The following PACRG variants were observed in gnomAD, a reference collection of about 807,000 sequenced individuals.
The protein encoded by PACRG is parkin coregulated, also known as parkin coregulated gene protein.
In PACRG, 29 loss-of-function variants were observed where a neutral mutation model predicts 29.7. That is an observed-to-expected ratio of 0.98 (90% CI 0.73 to 1.33). The LOEUF is 1.33. Among genes scored for constraint, PACRG ranks in the 40% most tolerant of loss-of-function variants. The pLI, the probability that PACRG is intolerant of heterozygous loss-of-function variation, is 0.00. For synonymous variants in PACRG, 116 were observed against 118.7 expected (o/e 0.98, Z 0.15); for missense variants, 279 against 316.2 (o/e 0.88, Z 0.89).
chr6:162,860,100 A>G (rs2128440414), intron 2 of PACRG, among the ~76,000 whole-genome samples: 2 of 152,278 alleles, frequency 1.3e-5, no homozygotes, highest in Admixed American at 1.3e-4. Context: ...AAGACACAAA[A>G]AAAGACTAGT....
At chr6:162,878,491 C>G (rs1168079955) in intron 2 of PACRG, among the ~76,000 whole-genome samples, 1 of 152,036 alleles carries the variant, frequency 6.6e-6, no homozygotes, top group East Asian at 1.9e-4. Context: ...TAGACTGAAT[C>G]TTTTTCTCAT....
intron 3 of PACRG, among the ~76,000 whole-genome samples, chr6:163,065,990 A>G (rs1376146889): frequency 7.9e-5 from 12 of 152,242 alleles, no homozygotes; most frequent in African/African-American, 2.9e-4. Context: ...AGGAACTATC[A>G]GAGCGACAGG....
chr6:163,127,263 G>C (rs769610408), intron 4 of PACRG, among the ~76,000 whole-genome samples: 2 of 152,222 alleles, frequency 1.3e-5, no homozygotes, highest in Non-Finnish European at 2.9e-5. Context: ...TTTCAGACAA[G>C]TATTGTTTCA....
Position 162,947,362 on chromosome 6 carries a change from GTAA to G in PACRG, c.292-114786_292-114784del, listed in dbSNP as rs1799148442. 7.3e-5 allele frequency among the ~76,000 whole-genome samples: 4 copies of G among 54,908 alleles called. 2 individuals carry two copies. The highest frequency in any genetic ancestry group is 1.3e-4 in the Non-Finnish European group (4 of 29,960). The allele number at this position is 54,908 out of a possible 152,430, so 36.0% of individuals were successfully genotyped here. The stretch of plus-strand genomic sequence containing the variant: ...TATATAATGATTACATATATATAAT[GTAA>G]TCATATATAATCATATATATAATCA... On this transcript the variant is annotated intron_variant, in intron 2 of 4. Transcript: ENST00000366888.
chr6:162,807,305 T>C (rs1381822498), intron 1 of PACRG, among the ~76,000 whole-genome samples: 1 of 152,236 alleles, frequency 6.6e-6, no homozygotes, highest in Admixed American at 6.5e-5. Context: ...GAACTTTTCC[T>C]TTGCATTCAC....
chr6:162,732,346 A>G (rs994030293), intron 1 of PACRG, among the ~76,000 whole-genome samples: 1 of 152,148 alleles, frequency 6.6e-6, no homozygotes, highest in African/African-American at 2.4e-5. Context: ...ATGAAGAGCA[A>G]ACAGCTTCAC....
At chr6:162,981,954 A>G (rs1376336937) in intron 2 of PACRG, among the ~76,000 whole-genome samples, 1 of 148,088 alleles carries the variant, frequency 6.8e-6, no homozygotes, top group East Asian at 2.0e-4. Flanking sequence ...TAGTGTTTCA[A>G]TATTGTTACT....
At chr6:163,300,113 G>A (rs923487206) in intron 4 of PACRG, among the ~76,000 whole-genome samples, 3 of 152,220 alleles carry the variant, frequency 2.0e-5, no homozygotes, top group Admixed American at 6.5e-5. Context: ...AAAATCAGTT[G>A]AGCCCTTTAC....
chr6:163,227,009 AT>A (rs540904945), intron 4 of PACRG, among the ~76,000 whole-genome samples: 95 of 152,338 alleles, frequency 6.2e-4, no homozygotes, highest in African/African-American at 2.2e-3. Context: ...GTTAAAAAAA[AT>A]AATGGTAAAC....
chr6:162,915,614 C>G (rs1796645412), intron 2 of PACRG, among the ~76,000 whole-genome samples: 1 of 152,038 alleles, frequency 6.6e-6, no homozygotes, highest in Admixed American at 6.6e-5. Context: ...CTCTCTCTGT[C>G]TCTCTTTCCT....
chr6:163,213,912 A>G (rs990526457), intron 4 of PACRG, among the ~76,000 whole-genome samples: 2 of 152,200 alleles, frequency 1.3e-5, no homozygotes, highest in Non-Finnish European at 2.9e-5. Flanking sequence ...TTTTAAAATG[A>G]TTAGTCAATT....
At chr6:163,037,593 C>T (rs1808319824) in intron 2 of PACRG, among the ~76,000 whole-genome samples, 1 of 152,220 alleles carries the variant, frequency 6.6e-6, no homozygotes, top group Non-Finnish European at 1.5e-5. Flanking sequence ...CTGTCAGGCT[C>T]TGCTGTGACC....
intron 2 of PACRG, among the ~76,000 whole-genome samples, chr6:162,944,433 C>T (rs956717346): frequency 6.6e-6 from 1 of 151,970 alleles, no homozygotes; most frequent in African/African-American, 2.4e-5. Context: ...ACTATGACAC[C>T]TCAAAAGAAA....
chr6:163,147,097 G>A (rs559836666), intron 4 of PACRG, among the ~76,000 whole-genome samples: 1 of 152,228 alleles, frequency 6.6e-6, no homozygotes, highest in African/African-American at 2.4e-5. Flanking sequence ...ATAGTTCCTT[G>A]AGGACATCTT....
In PACRG at chr6:162,853,866, G is replaced by C. The variant is rs1263017858; in HGVS notation, c.291+39585G>C. ...TTGTATCTATGTATCTACCTCATAG[G>C]GTTGTCATTTATTATAAAGATGAAA... On this transcript the variant is annotated intron_variant, in intron 2 of 4. Transcript: ENST00000366888. The surrounding 1 kb of genome is among the most constrained non-coding windows in gnomAD (Gnocchi z 4.7). 6.6e-6 allele frequency among the ~76,000 whole-genome samples: 1 copy of C among 151,856 alleles called. No individual in the cohort carries two copies. The highest frequency in any genetic ancestry group is 1.5e-5 in the Non-Finnish European group (1 of 67,960).
At chr6:163,154,403 T>C (rs1778228992) in intron 4 of PACRG, among the ~76,000 whole-genome samples, 1 of 152,208 alleles carries the variant, frequency 6.6e-6, no homozygotes, top group Non-Finnish European at 1.5e-5. Context: ...GGGCTGATAG[T>C]TCATCTTAAA....
At chr6:163,138,988 T>A (rs1585257565) in intron 4 of PACRG, among the ~76,000 whole-genome samples, 1 of 152,220 alleles carries the variant, frequency 6.6e-6, no homozygotes, top group Admixed American at 6.5e-5. Context: ...ACCGGCCATA[T>A]CCTGACTCCA....
intron 4 of PACRG, among the ~76,000 whole-genome samples, chr6:163,214,298 G>A (rs1391371142): frequency 6.6e-6 from 1 of 152,132 alleles, no homozygotes; most frequent in African/African-American, 2.4e-5. Context: ...GGACAGCAGA[G>A]TTTTATTATC....
intron 2 of PACRG, among the ~76,000 whole-genome samples, chr6:162,815,240 G>A (rs377107308): frequency 1.2e-4 from 18 of 151,934 alleles, no homozygotes; most frequent in Admixed American, 8.5e-4. Context: ...TCCAGCAGTC[G>A]TGACCAAAAG....
Sources: allele counts gnomAD v4.1 joint callset (sites outside exome capture counted in the v4.1 genomes callset), GRCh38; gene constraint gnomAD v4.1.1; non-coding constraint Gnocchi (gnomAD v3.1); transcripts MANE v1.5; gene names NCBI Gene and HGNC (gene_info 2026-07-23, HGNC 2026-07-21).